The following NRXN3 variants were observed in gnomAD, a reference collection of about 807,000 sequenced individuals.
The protein encoded by NRXN3 is neurexin III.
NRXN3 carries 32 observed loss-of-function variants against 137.6 expected under a neutral mutation model. That is an observed-to-expected ratio of 0.23 (90% CI 0.18 to 0.31). The LOEUF is 0.31. NRXN3 is among the 10% of genes least tolerant of loss of function. The probability of loss-of-function intolerance (pLI) is 1.00; values close to 1 mark genes in which losing one functional copy is unlikely to be tolerated. For missense variants in NRXN3, 1,574 were observed against 2,062.5 expected, an observed-to-expected ratio of 0.76 and a Z score of 4.59; for synonymous variants, 798 against 784.5, an observed-to-expected ratio of 1.02 and a Z score of -0.29.
At chr14:79,075,472 T>A (rs1224940892) in intron 15 of NRXN3, among the ~76,000 whole-genome samples, 1 of 152,202 alleles carries the variant, frequency 6.6e-6, no homozygotes, top group East Asian at 1.9e-4. Context: ...ATTCAGAGAT[T>A]CAGAAGAATG....
At chr14:78,189,507 G>A (rs901460905) in intron 1 of NRXN3, among the ~76,000 whole-genome samples, 1 of 152,032 alleles carries the variant, frequency 6.6e-6, no homozygotes, top group Non-Finnish European at 1.5e-5. Context: ...ACTCAGCCAT[G>A]CTGGCCTCCT....
intron 15 of NRXN3, among the ~76,000 whole-genome samples, chr14:79,333,757 C>A (rs559577142): frequency 6.6e-6 from 1 of 152,158 alleles, no homozygotes; most frequent in Non-Finnish European, 1.5e-5. Context: ...TCTTAGCAGT[C>A]CTAATCTTAT....
chr14:79,711,126 A>AAGTT (rs1368932624), intron 19 of NRXN3, among the ~76,000 whole-genome samples: 5 of 152,198 alleles, frequency 3.3e-5, no homozygotes, highest in Non-Finnish European at 7.3e-5. Context: ...ACCGTAAAGC[A>AAGTT]AGTTACAATA....
intron 4 of NRXN3, among the ~76,000 whole-genome samples, chr14:78,371,572 C>A (rs2086836477): frequency 6.6e-6 from 1 of 152,148 alleles, no homozygotes. Context: ...TTAAGCTGTC[C>A]ATGGACAGCA....
Position 79,413,363 on chromosome 14 carries a change from G to T in NRXN3, c.3263-53858G>T, listed in dbSNP as rs143705443. Among the ~76,000 whole-genome samples the T allele has an allele frequency of 8.9e-4, 136 of 152,240 alleles. No individual in the cohort carries two copies. In the East Asian group the frequency reaches 0.025, roughly 28 times the overall value. On this transcript the variant is annotated intron_variant, in intron 15 of 20. Coordinates refer to ENST00000335750, the MANE Select transcript of NRXN3 (RefSeq NM_001330195.2). ...AGAAGCACCTCCTCCTTCCATCTGT[G>T]CTGTTTGGTTGTATTCTTTATTGGA...
At chr14:79,545,953 G>A (rs773377496) in intron 16 of NRXN3, among the ~76,000 whole-genome samples, 7 of 152,074 alleles carry the variant, frequency 4.6e-5, no homozygotes, top group Non-Finnish European at 7.4e-5. Context: ...AATCATGGGG[G>A]TAGGTATTTC....
intron 16 of NRXN3, among the ~76,000 whole-genome samples, chr14:79,509,241 A>G (rs1360352884): frequency 2.6e-5 from 4 of 152,138 alleles, no homozygotes; most frequent in Non-Finnish European, 4.4e-5. Flanking sequence ...CAAAATTACT[A>G]AAAGAGTGTA....
intron 14 of NRXN3, among the ~76,000 whole-genome samples, chr14:78,975,768 T>A (rs544559113): frequency 6.6e-6 from 1 of 152,314 alleles, no homozygotes; most frequent in Non-Finnish European, 1.5e-5. Flanking sequence ...GAACTCTTTC[T>A]CCTGTTTGCT....
At chr14:79,345,086 C>A (rs1311059767) in intron 15 of NRXN3, among the ~76,000 whole-genome samples, 1 of 152,136 alleles carries the variant, frequency 6.6e-6, no homozygotes, top group East Asian at 1.9e-4. Flanking sequence ...AGTTTAACTG[C>A]ATTTTTTGTT....
At chr14:79,112,690 C>T (rs1246874778) in intron 15 of NRXN3, among the ~76,000 whole-genome samples, 2 of 152,170 alleles carry the variant, frequency 1.3e-5, no homozygotes, top group African/African-American at 4.8e-5. Context: ...AAAAGCCAGG[C>T]TAGTCTCTGG....
At chr14:79,786,986 A>G (rs776832603) in intron 19 of NRXN3, among the ~76,000 whole-genome samples, 2 of 152,232 alleles carry the variant, frequency 1.3e-5, no homozygotes, top group Non-Finnish European at 2.9e-5. Flanking sequence ...CGCTAAGGCT[A>G]TTTGAAAGGA....
chr14:78,955,082 A>T (rs1289982149), intron 10 of NRXN3, among the ~76,000 whole-genome samples: 1 of 152,246 alleles, frequency 6.6e-6, no homozygotes, highest in East Asian at 1.9e-4. Context: ...TAAAGAACAG[A>T]TGCCACCTTA....
intron 7 of NRXN3, among the ~76,000 whole-genome samples, chr14:78,712,650 C>T (rs992857585): frequency 6.6e-6 from 1 of 152,234 alleles, no homozygotes; most frequent in African/African-American, 2.4e-5. Flanking sequence ...GCAATCCCCA[C>T]CTCCCGGGTC....
intron 15 of NRXN3, among the ~76,000 whole-genome samples, chr14:79,266,763 A>G (rs1159040226): frequency 6.6e-6 from 1 of 152,234 alleles, no homozygotes; most frequent in African/African-American, 2.4e-5. Context: ...GGGAACACAA[A>G]AAGTAAACCT....
chr14:79,718,905 G>T (rs1273483575), intron 19 of NRXN3, among the ~76,000 whole-genome samples: 1 of 151,418 alleles, frequency 6.6e-6, no homozygotes, highest in African/African-American at 2.4e-5. Context: ...CCTTCAACCT[G>T]GTCTTAGAAG....
chr14:78,788,218 A>G (rs977094265), intron 8 of NRXN3, among the ~76,000 whole-genome samples: 4 of 152,072 alleles, frequency 2.6e-5, no homozygotes, highest in Admixed American at 6.5e-5. Context: ...GGCCACCTCT[A>G]GACCTCAAGG....
chr14:79,027,357 G>A (rs2099600392), intron 15 of NRXN3, among the ~76,000 whole-genome samples: 1 of 151,918 alleles, frequency 6.6e-6, no homozygotes, highest in Non-Finnish European at 1.5e-5. Flanking sequence ...TCTGGTTGTG[G>A]CAATTAGGAG....
intron 15 of NRXN3, among the ~76,000 whole-genome samples, chr14:79,254,594 A>C (rs1452734197): frequency 6.6e-6 from 1 of 152,198 alleles, no homozygotes. Flanking sequence ...ACATGCGGGC[A>C]GGCCAAGGAG....
intron 8 of NRXN3, among the ~76,000 whole-genome samples, chr14:78,791,162 T>C (rs2098804018): frequency 6.6e-6 from 1 of 152,176 alleles, no homozygotes; most frequent in Non-Finnish European, 1.5e-5. Flanking sequence ...TAAAACAACA[T>C]ATGCACTGGT....
Sources: gnomAD v4.1 joint callset for allele counts (sites outside exome capture counted in the v4.1 genomes callset) on GRCh38, gnomAD v4.1.1 for gene constraint, MANE v1.5 for transcripts, NCBI Gene and HGNC (gene_info 2026-07-23, HGNC 2026-07-21) for gene names.